PDE4A: variants seen among roughly 807,000 people sequenced by gnomAD.
PDE4A encodes the protein phosphodiesterase 4A.
Under a neutral mutation model 73.9 loss-of-function variants are expected in PDE4A, and 21 were observed. The ratio of observed to expected loss-of-function variants is 0.28; its 90% CI spans 0.20 to 0.41. The LOEUF (loss-of-function observed/expected upper bound fraction) is 0.41, where lower values mean the gene tolerates loss of function less well. PDE4A is among the 10% of genes least tolerant of loss of function. PDE4A has a pLI of 1.00. For synonymous variants in PDE4A, 463 were observed against 505.4 expected, an observed-to-expected ratio of 0.92 and a Z score of 1.13; for missense variants, 958 against 1,211.4, an observed-to-expected ratio of 0.79 and a Z score of 3.10.
chr19:10,439,103 T>G (rs113404612), intron 1 of PDE4A, among the ~76,000 whole-genome samples: 2 of 152,222 alleles, frequency 1.3e-5, no homozygotes, highest in African/African-American at 4.8e-5. Flanking sequence ...TTTCAATTCT[T>G]TTGGGGATAG....
rs1290801697 is a variant in PDE4A, at chr19:10,455,366, A to G, written c.877+444A>G. The stretch of plus-strand genomic sequence containing the variant: ...GTAATCCCAGCAACTCAGGAGGCTC[A>G]GGCAGGAGAATCGCTTGAACCCAGG... On this transcript the variant is annotated intron_variant, in intron 7 of 14. Coordinates refer to ENST00000380702, the MANE Select transcript of PDE4A (RefSeq NM_001111307.2). 6.6e-5 allele frequency among the ~76,000 whole-genome samples: 10 copies of G among 152,078 alleles called. No homozygotes were observed. The South Asian group carries it at 1.7e-3, about 25-fold the overall frequency.
chr19:10,417,740 C>A, upstream of PDE4A: 1 of 1,585,848 alleles, frequency 6.3e-7, no homozygotes, highest in Non-Finnish European at 8.5e-7. Context: ...GCCTCTCGTC[C>A]GGTCCTGGCC....
At chr19:10,435,993 T>A (rs929103224) in intron 1 of PDE4A, among the ~76,000 whole-genome samples, 1 of 152,162 alleles carries the variant, frequency 6.6e-6, no homozygotes, top group Non-Finnish European at 1.5e-5. Context: ...CCTCTTCCCA[T>A]CCAGGCCTCT....
At position 10,427,469 on chromosome 19, in the gene PDE4A, G is replaced by A. The variant is rs142049706; in HGVS notation, c.320+6385G>A. On this transcript the variant is annotated intron_variant, in intron 1 of 14. Transcript: ENST00000380702. Reference sequence around the variant, plus strand: ...AGGCAGTGGAAAAAAAGGAGGGAGCGAGGTGACAGGCAGCTCATGTAAGGG... The same window carrying A: ...AGGCAGTGGAAAAAAAGGAGGGAGCAAGGTGACAGGCAGCTCATGTAAGGG... 258 of 985,096 alleles carry A rather than the reference G, an allele frequency of 2.6e-4. 1 individual carries two copies. In the African/African-American group the frequency reaches 4.3e-3, roughly 16 times the overall value. 61.0% of individuals were successfully genotyped at this position (985,096 alleles called of 1,614,324 possible). A position where few individuals can be genotyped will look rare whatever the true frequency, so the allele number is the denominator to read the frequency against.
In PDE4A at chr19:10,450,929, G is replaced by A; in HGVS notation, c.771G>A (p.Met257Ile). Residue 257 changes from methionine (M) to isoleucine (I), a missense_variant, in exon 6 of 15, where the codon ATG becomes ATA. Coordinates refer to ENST00000380702, the MANE Select transcript of PDE4A (RefSeq NM_001111307.2). ...TMQTYRSVSEMASHKFKRMLN... is the reference protein window; with the variant it reads ...TMQTYRSVSEIASHKFKRMLN... ...AGACCTATCGCTCTGTCAGCGAGAT[G>A]GCCTCGCACAAGGTGTGCAGGTGGT... 6.2e-7 allele frequency: 1 copy of A among 1,600,786 alleles called. No individual in the cohort carries two copies. Among genetic ancestry groups the A allele is most frequent in the Non-Finnish European group, 8.5e-7 (1 of 1,174,070 alleles).
At chr19:10,441,213 TTGTTTTTTTG>T (rs2042933250) in intron 1 of PDE4A, among the ~76,000 whole-genome samples, 1 of 152,148 alleles carries the variant, frequency 6.6e-6, no homozygotes, top group Admixed American at 6.6e-5. Context: ...TAAACAAGTT[TTGTTTTTTTG>T]TGTTTTTTGT....
At chr19:10,437,418 G>A (rs1416436430) in intron 1 of PDE4A, among the ~76,000 whole-genome samples, 1 of 151,314 alleles carries the variant, frequency 6.6e-6, no homozygotes, top group Non-Finnish European at 1.5e-5. Flanking sequence ...CACCGTGCCC[G>A]GCCTTTTTCT....
rs2043227596 is a variant in PDE4A at position 10,459,600 on chromosome 19, G to C, written c.1206G>C (p.Arg402=). ...TCIMYMIFQE[R]DLLKKFRIPV... ...CTGCCCCTGCCTGCTCTCAGGAGCG[G>C]GACCTGCTGAAGAAATTCCGCATCC... Residue 402 remains arginine, a synonymous_variant, in exon 10 of 15, where the codon CGG becomes CGC. Coordinates refer to ENST00000380702, the MANE Select transcript of PDE4A (RefSeq NM_001111307.2). The C allele has an allele frequency of 3.8e-5, 61 of 1,613,896 alleles. No homozygotes were observed. Among genetic ancestry groups the C allele is most frequent in the Non-Finnish European group, 5.2e-5 (61 of 1,179,908 alleles).
In PDE4A at chr19:10,459,475, T is replaced by C. The variant is rs2043224488; in HGVS notation, c.1177T>C (p.Cys393Arg). The part of the protein sequence containing the change: ...SDYAGGRSLT[C>R]IMYMIFQERD... ...TTACGCTGGAGGCCGCTCACTCACCTGCATCATGTACATGATATTCCAGGT... is the reference window on the plus strand; with the variant it reads ...TTACGCTGGAGGCCGCTCACTCACCCGCATCATGTACATGATATTCCAGGT... Residue 393 changes from cysteine to arginine, a missense_variant, in exon 9 of 15, where the codon TGC becomes CGC. Cys to Arg is a radical substitution (Grantham distance 180). This residue lies in a region of PDE4A where 570 missense variants were observed against 827.7 expected (regional missense o/e 0.69). Coordinates refer to ENST00000380702, the MANE Select transcript of PDE4A (RefSeq NM_001111307.2). 6.2e-7 allele frequency: 1 copy of C among 1,613,968 alleles called. No individual in the cohort carries two copies. Among genetic ancestry groups the C allele is most frequent in the Non-Finnish European group, 8.5e-7 (1 of 1,179,978 alleles).
rs1249607877 is a variant in PDE4A, at chr19:10,449,169, G to A, written c.620+19G>A. On this transcript the variant is annotated intron_variant, in intron 4 of 14. Coordinates refer to ENST00000380702, the MANE Select transcript of PDE4A (RefSeq NM_001111307.2). ...GTAACAAGTAAGTGAAGGCTGGGCT[G>A]CAACAGCTGTGATCATAAGGTGAAG... 1 of 1,611,424 alleles carries A rather than the reference G, an allele frequency of 6.2e-7. No homozygotes were observed.
chr19:10,437,417 C>T (rs935210869), intron 1 of PDE4A, among the ~76,000 whole-genome samples: 12 of 151,502 alleles, frequency 7.9e-5, no homozygotes, highest in African/African-American at 2.7e-4. Context: ...CCACCGTGCC[C>T]GGCCTTTTTC....
chr19:10,436,555 CA>C (rs936918109), intron 1 of PDE4A, among the ~76,000 whole-genome samples: 2 of 125,652 alleles, frequency 1.6e-5, no homozygotes, highest in Non-Finnish European at 3.3e-5. Flanking sequence ...AACTCCGTCT[CA>C]AAAAAACAAC....
chr19:10,431,857 C>G (rs1238997017), intron 1 of PDE4A, among the ~76,000 whole-genome samples: 1 of 151,982 alleles, frequency 6.6e-6, no homozygotes, highest in African/African-American at 2.4e-5. Flanking sequence ...GTAGGGAAAT[C>G]GTTGCTTCTC....
intron 1 of PDE4A, among the ~76,000 whole-genome samples, chr19:10,439,307 G>T (rs1051892145): frequency 1.3e-5 from 2 of 151,796 alleles, no homozygotes; most frequent in South Asian, 4.2e-4. Context: ...GCAGCCTCCC[G>T]AGTAGCTGGG....
upstream of PDE4A, chr19:10,418,699 C>G: frequency 2.2e-6 from 2 of 919,732 alleles, no homozygotes; most frequent in Non-Finnish European, 2.6e-6. Context: ...CTCCTCGTTT[C>G]CTCCTTCTTC....
intron 1 of PDE4A, among the ~76,000 whole-genome samples, chr19:10,444,236 T>A (rs1009520442): frequency 6.6e-6 from 1 of 151,806 alleles, no homozygotes; most frequent in African/African-American, 2.4e-5. Flanking sequence ...CAAAATGGGC[T>A]GGGCATGGTG....
At chr19:10,416,889 C>T (rs2042592856), upstream of PDE4A, 38 of 1,534,898 alleles carry the variant, frequency 2.5e-5, no homozygotes, top group South Asian at 4.3e-4. Flanking sequence ...TGTAGGAGGC[C>T]CTGGCCCTGC....
At chr19:10,463,106 T>C (rs1044816853) in intron 13 of PDE4A, among the ~76,000 whole-genome samples, 2 of 151,820 alleles carry the variant, frequency 1.3e-5, no homozygotes, top group African/African-American at 2.4e-5. Flanking sequence ...TTTTTGGTTT[T>C]TTTTTTTTGA....
In PDE4A at chr19:10,424,997, G is replaced by A. The variant is rs572654370; in HGVS notation, c.320+3913G>A. ...AGCACTTTGGGAGACCGAGGTGGGC[G>A]GATCACGAATGAGGTCAGGAGTTCA... On this transcript the variant is annotated intron_variant, in intron 1 of 14. Transcript: ENST00000380702. The surrounding 1 kb of genome is among the most constrained non-coding windows in gnomAD (Gnocchi z 4.8). 8.5e-5 allele frequency among the ~76,000 whole-genome samples: 13 copies of A among 152,306 alleles called. No homozygotes were observed. Among genetic ancestry groups the A allele is most frequent in the African/African-American group, 2.9e-4 (12 of 41,572 alleles).
Sources: allele counts gnomAD v4.1 joint callset (sites outside exome capture counted in the v4.1 genomes callset), GRCh38; gene constraint gnomAD v4.1.1; regional missense constraint gnomAD v4.1.1; non-coding constraint Gnocchi (gnomAD v3.1); transcripts MANE v1.5; gene names NCBI Gene and HGNC (gene_info 2026-07-23, HGNC 2026-07-21).